The following MAPK10 variants were observed in gnomAD, a reference collection of about 807,000 sequenced individuals.
MAPK10 encodes the protein JNK3 alpha protein kinase.
MAPK10 carries 25 observed loss-of-function variants against 59.3 expected under a neutral mutation model. The observed-to-expected ratio is 0.42, with a 90% CI of 0.31 to 0.59. The LOEUF is 0.59. Among genes scored for constraint, MAPK10 ranks in the 20% least tolerant of loss-of-function variants. The pLI is 0.15. For missense variants in MAPK10, 351 were observed against 568.9 expected, an observed-to-expected ratio of 0.62 and a Z score of 3.90; for synonymous variants, 190 against 200.5, an observed-to-expected ratio of 0.95 and a Z score of 0.44.
intron 2 of MAPK10, among the ~76,000 whole-genome samples, chr4:86,325,394 G>C (rs936209037): frequency 6.6e-6 from 1 of 152,208 alleles, no homozygotes; most frequent in African/African-American, 2.4e-5. Context: ...GCTTTTGAAA[G>C]TTATTCAACC....
intron 1 of MAPK10, among the ~76,000 whole-genome samples, chr4:86,533,893 T>C (rs915210241): frequency 2.0e-5 from 3 of 152,208 alleles, no homozygotes; most frequent in Admixed American, 6.5e-5. Flanking sequence ...CATGTTTCTC[T>C]CACAAGAGAG....
chr4:86,405,820 G>C (rs1178340725), intron 1 of MAPK10, among the ~76,000 whole-genome samples: 1 of 152,188 alleles, frequency 6.6e-6, no homozygotes, highest in Non-Finnish European at 1.5e-5. Context: ...TGTGAGAATT[G>C]AGTGAGTTAA....
chr4:86,435,303 C>G (rs1748574593), intron 1 of MAPK10, among the ~76,000 whole-genome samples: 1 of 151,992 alleles, frequency 6.6e-6, no homozygotes, highest in African/African-American at 2.4e-5. Flanking sequence ...TCGAGACCAG[C>G]CTGACCAATA....
At chr4:86,212,827 C>A (rs1448024635) in intron 2 of MAPK10, among the ~76,000 whole-genome samples, 1 of 151,994 alleles carries the variant, frequency 6.6e-6, no homozygotes. Flanking sequence ...AACAACCATA[C>A]AAATACAAAT....
intron 1 of MAPK10, among the ~76,000 whole-genome samples, chr4:86,502,843 A>T (rs1448605642): frequency 6.6e-5 from 10 of 152,062 alleles, no homozygotes; most frequent in Non-Finnish European, 1.2e-4. Flanking sequence ...TTTTTGCCAA[A>T]ATTTACCACC....
intron 9 of MAPK10, chr4:86,089,253 A>T: frequency 6.2e-7 from 1 of 1,612,852 alleles, no homozygotes; most frequent in Non-Finnish European, 8.5e-7. Context: ...TTCTCCCATG[A>T]TGCACCCTAC....
At chr4:86,147,500 GC>G (rs1279355546) in intron 4 of MAPK10, among the ~76,000 whole-genome samples, 1 of 151,876 alleles carries the variant, frequency 6.6e-6, no homozygotes, top group Non-Finnish European at 1.5e-5. Flanking sequence ...ACTGAGTTTA[GC>G]TATATCAATG....
intron 13 of MAPK10, among the ~76,000 whole-genome samples, chr4:86,026,234 C>G (rs1750150630): frequency 6.6e-6 from 1 of 152,170 alleles, no homozygotes; most frequent in Admixed American, 6.5e-5. Context: ...GGCTGGTGAA[C>G]AAACTCAGAA....
intron 1 of MAPK10, among the ~76,000 whole-genome samples, chr4:86,549,958 C>G (rs1440344498): frequency 6.6e-6 from 1 of 152,142 alleles, no homozygotes; most frequent in Non-Finnish European, 1.5e-5. Context: ...ATTTTTCAGG[C>G]CAGAAAATAA....
intron 11 of MAPK10, among the ~76,000 whole-genome samples, chr4:86,058,671 T>G (rs552310155): frequency 6.7e-6 from 1 of 149,628 alleles, no homozygotes; most frequent in Non-Finnish European, 1.5e-5. Flanking sequence ...TTTTGACTTC[T>G]GCATTGCAAT....
intron 2 of MAPK10, among the ~76,000 whole-genome samples, chr4:86,198,245 G>A (rs540576618): frequency 6.6e-6 from 1 of 151,890 alleles, no homozygotes; most frequent in East Asian, 1.9e-4. Context: ...ACTATGGGGC[G>A]GGCTCTCTGG....
At chr4:86,487,125 T>A (rs1452963240) in intron 1 of MAPK10, among the ~76,000 whole-genome samples, 1 of 152,152 alleles carries the variant, frequency 6.6e-6, no homozygotes, top group African/African-American at 2.4e-5. Flanking sequence ...TATGCTGGAT[T>A]CTGTACTGGA....
chr4:86,262,384 C>T (rs1183459659), intron 2 of MAPK10, among the ~76,000 whole-genome samples: 1 of 152,140 alleles, frequency 6.6e-6, no homozygotes, highest in South Asian at 2.1e-4. Context: ...ATAAAATACC[C>T]AGTTTCCAGT....
intron 1 of MAPK10, among the ~76,000 whole-genome samples, chr4:86,477,203 G>GC (rs1030919355): frequency 2.3e-4 from 35 of 152,238 alleles, no homozygotes; most frequent in African/African-American, 7.5e-4. Flanking sequence ...TCAAGGGCCT[G>GC]TTTCCCTTGC....
intron 13 of MAPK10, among the ~76,000 whole-genome samples, chr4:86,020,060 TA>T (rs1745601601): frequency 6.6e-6 from 1 of 152,200 alleles, no homozygotes; most frequent in African/African-American, 2.4e-5. Flanking sequence ...TCATCATCCC[TA>T]AAGAAAACCC....
chr4:86,360,557 A>G (rs975169646), upstream of MAPK10, among the ~76,000 whole-genome samples: 1 of 152,182 alleles, frequency 6.6e-6, no homozygotes, highest in Non-Finnish European at 1.5e-5. Flanking sequence ...TTGTTTTTGT[A>G]AAAATCCTGA....
At chr4:86,225,610 C>T (rs1453815110) in intron 2 of MAPK10, among the ~76,000 whole-genome samples, 1 of 152,168 alleles carries the variant, frequency 6.6e-6, no homozygotes, top group East Asian at 1.9e-4. Flanking sequence ...ACTCATCACA[C>T]TCAGTGGTGG....
At position 86,015,560 on chromosome 4, in the gene MAPK10, T is replaced by C. The variant is rs1452666464; in HGVS notation, c.*1668A>G. On this transcript the variant is annotated 3_prime_UTR_variant, in exon 14 of 14. Coordinates refer to ENST00000641462, the MANE Select transcript of MAPK10 (RefSeq NM_138982.4). ...CTGATTATTGCTGAGATCACCTTGG[T>C]ATTGCCTTGTACATAACCAAGATGT... 4 of 152,228 alleles carry C rather than the reference T, an allele frequency of 2.6e-5. No homozygotes were observed. Among genetic ancestry groups the C allele is most frequent in the Non-Finnish European group, 5.9e-5 (4 of 68,034 alleles). 9.4% of individuals were successfully genotyped at this position (152,228 alleles called of 1,614,324 possible).
rs115772462 is a variant in MAPK10, at chr4:86,307,639, A to G, written c.-7+46891T>C. 6.8e-3 allele frequency among the ~76,000 whole-genome samples: 1,043 copies of G among 152,294 alleles called. 15 individuals are homozygous for G. The highest frequency in any genetic ancestry group is 0.024 in the African/African-American group (983 of 41,572). ...AAAGAAATAGCTTTAAAAGAATGCA[A>G]AGACCAAAAACAGAAACATATGACT... On this transcript the variant is annotated intron_variant, in intron 2 of 13. Coordinates refer to ENST00000641462, the MANE Select transcript of MAPK10 (RefSeq NM_138982.4).
Sources: gnomAD v4.1 joint callset for allele counts (sites outside exome capture counted in the v4.1 genomes callset) on GRCh38, gnomAD v4.1.1 for gene constraint, MANE v1.5 for transcripts, NCBI Gene and HGNC (gene_info 2026-07-23, HGNC 2026-07-21) for gene names.